KIAA1328: variants seen among roughly 807,000 people sequenced by gnomAD.
KIAA1328 encodes the protein KIAA1328.
A neutral mutation model predicts 68.1 loss-of-function variants in KIAA1328; 52 were observed. The ratio of observed to expected loss-of-function variants is 0.76; its 90% CI spans 0.61 to 0.96. KIAA1328 has a LOEUF of 0.96. KIAA1328 is among the 40% of genes least tolerant of loss of function. KIAA1328 has a pLI of 0.00. For synonymous variants in KIAA1328, 232 were observed against 239.4 expected, an observed-to-expected ratio of 0.97 and a Z score of 0.28; for missense variants, 641 against 677.6, an observed-to-expected ratio of 0.95 and a Z score of 0.60.
In KIAA1328 at chr18:36,866,130, C is replaced by T. The variant is rs1206473763; in HGVS notation, c.333-19427C>T. Among the ~76,000 whole-genome samples the T allele has an allele frequency of 2.6e-5, 4 of 152,252 alleles. No individual in the cohort carries two copies. The South Asian group carries it at 6.2e-4, about 24-fold the overall frequency. ...CCCACTACCAACTCCTGCATAGATC[C>T]GCTCCTCCCCATGCTTGGGCTCTGA... On this transcript the variant is annotated intron_variant, in intron 4 of 9. Coordinates refer to ENST00000280020, the MANE Select transcript of KIAA1328 (RefSeq NM_020776.3).
chr18:36,920,238 G>A (rs2151104022), intron 5 of KIAA1328, among the ~76,000 whole-genome samples: 1 of 152,204 alleles, frequency 6.6e-6, no homozygotes, highest in South Asian at 2.1e-4. Flanking sequence ...ATGGTAGAAG[G>A]CAGGGGCCTA....
chr18:36,836,688 A>G (rs77517375), intron 3 of KIAA1328, among the ~76,000 whole-genome samples: 1,844 of 152,104 alleles, frequency 0.012, 6 homozygotes, highest in Non-Finnish European at 0.02. Flanking sequence ...TTGATTTTGT[A>G]TGTGTTTATA....
At chr18:37,105,663 T>G (rs1261283571) in intron 7 of KIAA1328, among the ~76,000 whole-genome samples, 1 of 151,830 alleles carries the variant, frequency 6.6e-6, no homozygotes, top group Non-Finnish European at 1.5e-5. Flanking sequence ...CAGTGGCTCA[T>G]GCCTATTATC....
Position 37,067,495 on chromosome 18 carries a change from G to T in KIAA1328, c.1182G>T (p.Lys394Asn). 1.3e-6 allele frequency: 2 copies of T among 1,545,742 alleles called. No homozygotes were observed. Among genetic ancestry groups the T allele is most frequent in the Non-Finnish European group, 8.7e-7 (1 of 1,148,114 alleles). ...LQHLLAQQET[K>N]LLLKQQQLHQ... ...ATCTGCTGGCCCAGCAGGAGACAAA[G>T]CTTCTTCTAAAACAGCAGCAGCTTC... Residue 394 changes from lysine to asparagine, a missense_variant, in exon 7 of 10, where the codon AAG becomes AAT. Transcript: ENST00000280020.
chr18:36,969,923 C>G (rs117376812), intron 6 of KIAA1328, among the ~76,000 whole-genome samples: 20,288 of 151,826 alleles, frequency 0.13, 1,737 homozygotes, highest in Non-Finnish European at 0.18. Context: ...TTCTGAACAA[C>G]AGAAAAAGAG....
chr18:37,025,676 G>A (rs747723932), intron 6 of KIAA1328, among the ~76,000 whole-genome samples: 8 of 152,148 alleles, frequency 5.3e-5, no homozygotes, highest in Non-Finnish European at 1.0e-4. Flanking sequence ...TGAAATTAAC[G>A]AGAACAAAGA....
intron 6 of KIAA1328, among the ~76,000 whole-genome samples, chr18:36,968,075 C>A (rs888558721): frequency 3.3e-5 from 5 of 152,020 alleles, no homozygotes; most frequent in Non-Finnish European, 5.9e-5. Flanking sequence ...TACCACCAGA[C>A]CTGGTACCTG....
At chr18:37,001,403 C>A (rs775396706) in intron 6 of KIAA1328, among the ~76,000 whole-genome samples, 1 of 152,042 alleles carries the variant, frequency 6.6e-6, no homozygotes, top group Non-Finnish European at 1.5e-5. Context: ...AAAGAAATGT[C>A]CAAGACTGGA....
chr18:37,004,124 A>C (rs1598946176), intron 6 of KIAA1328, among the ~76,000 whole-genome samples: 1 of 152,076 alleles, frequency 6.6e-6, no homozygotes, highest in Non-Finnish European at 1.5e-5. Flanking sequence ...TCTGTGAAGA[A>C]TGATGGTGGT....
intron 5 of KIAA1328, among the ~76,000 whole-genome samples, chr18:36,938,008 CTT>C (rs1414743051): frequency 6.6e-6 from 1 of 151,984 alleles, no homozygotes; most frequent in African/African-American, 2.4e-5. Flanking sequence ...TCTTTGGTCA[CTT>C]AGGTTGATTC....
At chr18:37,044,850 T>C (rs2055403196) in intron 6 of KIAA1328, among the ~76,000 whole-genome samples, 1 of 151,394 alleles carries the variant, frequency 6.6e-6, no homozygotes, top group South Asian at 2.1e-4. Flanking sequence ...GAGAACCTTA[T>C]GAAAATAGCA....
downstream of KIAA1328, chr18:37,225,358 C>A: frequency 1.0e-6 from 1 of 956,360 alleles, no homozygotes; most frequent in Non-Finnish European, 1.2e-6. Flanking sequence ...TTGAATTGTC[C>A]CTTGAACATC....
At chr18:36,874,281 T>G (rs1035099616) in intron 4 of KIAA1328, among the ~76,000 whole-genome samples, 11 of 152,218 alleles carry the variant, frequency 7.2e-5, no homozygotes, top group African/African-American at 2.7e-4. Context: ...CCACAATGGT[T>G]GAACTAATTT....
intron 5 of KIAA1328, among the ~76,000 whole-genome samples, chr18:36,899,111 G>T (rs1156460989): frequency 6.6e-6 from 1 of 151,860 alleles, no homozygotes; most frequent in Non-Finnish European, 1.5e-5. Context: ...GATGTCACCT[G>T]TGGGTTTTTG....
chr18:37,103,167 C>T (rs1020984461), intron 7 of KIAA1328, among the ~76,000 whole-genome samples: 22 of 152,220 alleles, frequency 1.4e-4, no homozygotes, highest in African/African-American at 4.1e-4. Flanking sequence ...AAATATAAAT[C>T]TTAAAATTCA....
intron 5 of KIAA1328, among the ~76,000 whole-genome samples, chr18:36,946,999 C>G (rs2050929780): frequency 6.6e-6 from 1 of 152,074 alleles, no homozygotes; most frequent in Non-Finnish European, 1.5e-5. Flanking sequence ...ACCACTTAAA[C>G]TCGGTTTACA....
intron 6 of KIAA1328, among the ~76,000 whole-genome samples, chr18:36,987,840 G>GT (rs956413428): frequency 5.4e-5 from 8 of 149,336 alleles, no homozygotes; most frequent in South Asian, 4.2e-4. Context: ...TTTTGTTTTT[G>GT]TTTTTTTAAA....
intron 5 of KIAA1328, among the ~76,000 whole-genome samples, chr18:36,893,462 T>TGTGTGTG (rs761526807): frequency 1.5e-4 from 20 of 131,780 alleles, no homozygotes; most frequent in Non-Finnish European, 3.0e-4. Context: ...TGTGTGTGTG[T>TGTGTGTG]TTTTGTGTGT....
intron 7 of KIAA1328, among the ~76,000 whole-genome samples, chr18:37,069,484 C>T (rs931016693): frequency 4.0e-5 from 6 of 151,834 alleles, no homozygotes; most frequent in Non-Finnish European, 8.8e-5. Context: ...CTTTTTTCCC[C>T]TGTGTCCTTG....
Sources: allele counts gnomAD v4.1 joint callset (sites outside exome capture counted in the v4.1 genomes callset), GRCh38; gene constraint gnomAD v4.1.1; transcripts MANE v1.5; gene names NCBI Gene and HGNC (gene_info 2026-07-23, HGNC 2026-07-21).